The following LINC00305 variants were observed in gnomAD, a reference collection of about 807,000 sequenced individuals.
The protein encoded by LINC00305 is long independently transcribed non-coding RNA 305.
chr18:64,121,026 A>G (rs758694830), intron 1 of LINC00305, among the ~76,000 whole-genome samples: 42 of 152,136 alleles, frequency 2.8e-4, no homozygotes, highest in Non-Finnish European at 5.9e-4. Context: ...AAAGTATATT[A>G]TAAAGAAAGC....
At chr18:64,141,153 C>A (rs916923467) in intron 1 of LINC00305, among the ~76,000 whole-genome samples, 1 of 151,184 alleles carries the variant, frequency 6.6e-6, no homozygotes, top group Non-Finnish European at 1.5e-5. Flanking sequence ...CTTTAAGAAG[C>A]GACTCAACTG....
chr18:64,104,095 A>G (rs957901386), intron 1 of LINC00305: 5 of 152,224 alleles, frequency 3.3e-5, no homozygotes, highest in Non-Finnish European at 2.9e-5. Flanking sequence ...ACCTATGGAT[A>G]TAGGTGGTAC....
intron 1 of LINC00305, among the ~76,000 whole-genome samples, chr18:64,135,885 C>T (rs1169285273): frequency 6.6e-6 from 1 of 152,004 alleles, no homozygotes; most frequent in Non-Finnish European, 1.5e-5. Flanking sequence ...GGCCTATTTT[C>T]TTTCATTATA....
chr18:64,084,431 C>T (rs1311475907), intron 3 of LINC00305, among the ~76,000 whole-genome samples: 1 of 152,108 alleles, frequency 6.6e-6, no homozygotes, highest in African/African-American at 2.4e-5. Flanking sequence ...AACAATACCG[C>T]AAATGTTACC....
At chr18:64,100,819 T>C (rs939349508) in intron 1 of LINC00305, among the ~76,000 whole-genome samples, 18 of 152,160 alleles carry the variant, frequency 1.2e-4, no homozygotes, top group African/African-American at 4.3e-4. Context: ...TCAGGGCTTT[T>C]TGAGAGGGAG....
intron 1 of LINC00305, among the ~76,000 whole-genome samples, chr18:64,125,875 A>G (rs1287518668): frequency 1.3e-5 from 2 of 151,980 alleles, no homozygotes; most frequent in Non-Finnish European, 2.9e-5. Flanking sequence ...TAAAAGGGAG[A>G]GTTTGGTTCT....
rs869048915 is a variant in LINC00305, at chr18:64,132,493, CT to C, written n.314+16281del. Among the ~76,000 whole-genome samples, 244 of 152,220 alleles carry C rather than the reference CT, an allele frequency of 1.6e-3. 1 individual carries two copies. The highest frequency in any genetic ancestry group is 5.5e-3 in the African/African-American group (227 of 41,534). On this transcript the variant is annotated intron_variant and non_coding_transcript_variant, in intron 1 of 3. Coordinates refer to ENST00000666468, the Ensembl canonical transcript of LINC00305. ...CGTACATACGTCACCTTGTATAAAC[CT>C]TAGATAATTTCCACTCCCCCCCCGA...
chr18:64,111,132 C>T (rs1462915164), intron 1 of LINC00305, among the ~76,000 whole-genome samples: 2 of 152,226 alleles, frequency 1.3e-5, no homozygotes, highest in Admixed American at 1.3e-4. Context: ...AGATGACAAA[C>T]TACCTTCAAA....
At chr18:64,139,852 G>T (rs1336285138) in intron 1 of LINC00305, among the ~76,000 whole-genome samples, 1 of 152,086 alleles carries the variant, frequency 6.6e-6, no homozygotes. Context: ...ATAGCATGTG[G>T]ATCCTTTCTT....
chr18:64,098,341 G>A (rs1433731184), intron 2 of LINC00305, among the ~76,000 whole-genome samples: 2 of 152,160 alleles, frequency 1.3e-5, no homozygotes, highest in Non-Finnish European at 2.9e-5. Flanking sequence ...AACCTAGAGT[G>A]CAGAATGCAA....
intron 1 of LINC00305, among the ~76,000 whole-genome samples, chr18:64,120,894 T>C (rs1445410229): frequency 6.6e-6 from 1 of 152,132 alleles, no homozygotes; most frequent in Admixed American, 6.6e-5. Flanking sequence ...TATAGACTAC[T>C]GGAAAATGTG....
intron 3 of LINC00305, among the ~76,000 whole-genome samples, chr18:64,081,129 T>C (rs1220268387): frequency 1.3e-5 from 2 of 152,218 alleles, no homozygotes; most frequent in Non-Finnish European, 2.9e-5. Context: ...GTTTTATTTT[T>C]TCCTGAACCA....
chr18:64,121,336 C>A (rs1285090129), intron 1 of LINC00305, among the ~76,000 whole-genome samples: 1 of 150,438 alleles, frequency 6.6e-6, no homozygotes, highest in Non-Finnish European at 1.5e-5. Context: ...CCGTCATCCA[C>A]CCCCCTCTGT....
chr18:64,109,114 G>C (rs556570871), intron 1 of LINC00305, among the ~76,000 whole-genome samples: 5 of 152,298 alleles, frequency 3.3e-5, no homozygotes, highest in African/African-American at 1.2e-4. Context: ...TTTAGGATTT[G>C]AGAAAAATGT....
chr18:64,129,738 A>G (rs1205042880), intron 1 of LINC00305, among the ~76,000 whole-genome samples: 1 of 152,064 alleles, frequency 6.6e-6, no homozygotes, highest in Non-Finnish European at 1.5e-5. Flanking sequence ...CTTATGTGAT[A>G]TTTACTTAGT....
chr18:64,097,916 G>A, exon 3 of LINC00305: 1 of 458,070 alleles, frequency 2.2e-6, no homozygotes, highest in South Asian at 1.5e-5. Context: ...TTGTAAGTGT[G>A]GCTGATAAAC....
At chr18:64,136,476 T>C (rs932311324) in intron 1 of LINC00305, among the ~76,000 whole-genome samples, 5 of 152,086 alleles carry the variant, frequency 3.3e-5, no homozygotes, top group African/African-American at 1.2e-4. Flanking sequence ...AAGCCCCTTA[T>C]AAGACCATCA....
intron 1 of LINC00305, among the ~76,000 whole-genome samples, chr18:64,122,972 T>C (rs2051368754): frequency 6.6e-6 from 1 of 152,142 alleles, no homozygotes; most frequent in South Asian, 2.1e-4. Context: ...GGGATTGTCT[T>C]CTTGATTTGG....
At chr18:64,105,722 C>T (rs910985848) in intron 1 of LINC00305, among the ~76,000 whole-genome samples, 2 of 152,024 alleles carry the variant, frequency 1.3e-5, no homozygotes, top group Admixed American at 1.3e-4. Flanking sequence ...TTGATCCATG[C>T]GGTTGCTCAA....
Sources: gnomAD v4.1 joint callset for allele counts (sites outside exome capture counted in the v4.1 genomes callset) on GRCh38, gnomAD v4.1.1 for gene constraint, MANE v1.5 for transcripts, NCBI Gene and HGNC (gene_info 2026-07-23, HGNC 2026-07-21) for gene names.